RIF1: variants seen among roughly 807,000 people sequenced by gnomAD.
The protein encoded by RIF1 is replication timing regulatory factor 1, also known as telomere-associated protein RIF1.
RIF1 carries 45 observed loss-of-function variants against 247.1 expected under a neutral mutation model. The ratio of observed to expected loss-of-function variants is 0.18; its 90% CI spans 0.14 to 0.23. The LOEUF (loss-of-function observed/expected upper bound fraction) is 0.23, where lower values mean the gene tolerates loss of function less well. Among genes scored for constraint, RIF1 ranks in the 10% least tolerant of loss-of-function variants. The pLI, the probability that RIF1 is intolerant of heterozygous loss-of-function variation, is 1.00. For synonymous variants in RIF1, 1,087 were observed against 978.8 expected (o/e 1.11, Z -2.06); for missense variants, 2,967 against 2,862.5 (o/e 1.04, Z -0.83).
At chr2:151,504,215 C>T (rs1465930759) in intron 12 of RIF1, among the ~76,000 whole-genome samples, 2 of 152,244 alleles carry the variant, frequency 1.3e-5, no homozygotes, top group East Asian at 1.9e-4. Context: ...TGGGGAGCAA[C>T]GTACCCAGAT....
rs566341488 is a variant in RIF1, at chr2:151,489,534, G to A, written c.*416-5695G>A. ...CCACCTCAACTTCCTCAGTAGCTGG[G>A]GCTATAGATGCACCACCACACCTGG... On this transcript the variant is annotated intron_variant and NMD_transcript_variant, in intron 9 of 13. Transcript: ENST00000454583. Among the ~76,000 whole-genome samples the A allele has an allele frequency of 1.2e-4, 19 of 152,122 alleles. No homozygotes were observed. In the East Asian group the frequency reaches 3.5e-3, roughly 28 times the overall value.
intron 22 of RIF1, among the ~76,000 whole-genome samples, chr2:151,455,881 T>G (rs1003754773): frequency 6.6e-6 from 1 of 152,182 alleles, no homozygotes; most frequent in Admixed American, 6.6e-5. Flanking sequence ...TGTTAAACTT[T>G]TTACCCAATT....
chr2:151,514,759 A>T, the RIF1 span: 5 of 1,169,558 alleles, frequency 4.3e-6, no homozygotes, highest in South Asian at 7.0e-5. Flanking sequence ...CACATTAATG[A>T]GTGTCACTAG....
In RIF1 at chr2:151,442,321, G is replaced by A. The variant is rs898205837; in HGVS notation, c.1734+330G>A. Among the ~76,000 whole-genome samples, 9 of 148,896 alleles carry A rather than the reference G, an allele frequency of 6.0e-5. 1 individual carries two copies. Among genetic ancestry groups the A allele is most frequent in the Admixed American group, 4.1e-4 (6 of 14,726 alleles). ...ACTCCTAACCTCGGGTGATCCCTCC[G>A]CCTTGCTCTTCCAAATCCTGGGATT... is the stretch of plus-strand genomic sequence containing the variant. On this transcript the variant is annotated intron_variant, in intron 16 of 35. Coordinates refer to ENST00000444746, the MANE Select transcript of RIF1 (RefSeq NM_018151.5).
intron 6 of RIF1, among the ~76,000 whole-genome samples, chr2:151,419,037 G>A (rs111632456): frequency 7.0e-6 from 1 of 143,224 alleles, no homozygotes; most frequent in African/African-American, 2.6e-5. Context: ...TCAGCCTAGG[G>A]CCTCTGCAGG....
At chr2:151,459,010 C>T in intron 25 of RIF1, 100 bp downstream of exon 25, 1 of 663,908 alleles carries the variant, frequency 1.5e-6, no homozygotes, top group Middle Eastern at 3.4e-4. Context: ...AGTTTTGTAA[C>T]ATAGGCTTTT....
the RIF1 span, chr2:151,516,499 G>A: frequency 6.2e-6 from 10 of 1,613,330 alleles, no homozygotes; most frequent in South Asian, 3.3e-5. Context: ...AGTGATGTAC[G>A]TTGGTGTTTC....
chr2:151,410,564 G>T (rs748700575), intron 2 of RIF1, 37 bp downstream of exon 2: 10 of 1,502,868 alleles, frequency 6.7e-6, no homozygotes, highest in Non-Finnish European at 9.2e-6. Flanking sequence ...AGAGTGGGGC[G>T]CTCTATAGTG....
the RIF1 span, chr2:151,514,864 G>T: frequency 6.3e-7 from 1 of 1,588,224 alleles, no homozygotes; most frequent in Admixed American, 1.8e-5. Flanking sequence ...CAAAGCTGGC[G>T]TGACCTCCAG....
chr2:151,474,934 C>T lies in RIF1; in HGVS notation c.7282C>T (p.Leu2428=). 1 of 1,609,838 alleles carries T rather than the reference C, an allele frequency of 6.2e-7. No individual in the cohort carries two copies. The highest frequency in any genetic ancestry group is 8.5e-7 in the Non-Finnish European group (1 of 1,176,284). Residue 2428 remains leucine (L), a synonymous_variant, in exon 36 of 36, where the codon CTG becomes TTG. Transcript: ENST00000444746. ...LAQISALALQ[L]DSEDLHNYSG... ...ACAGATTAGTGCTCTTGCTCTTCAGCTGGATTCAGAAGATCTTCATAATTA... is the reference window on the plus strand; with the variant it reads ...ACAGATTAGTGCTCTTGCTCTTCAGTTGGATTCAGAAGATCTTCATAATTA...
At chr2:151,416,733 A>G in intron 5 of RIF1, 45 bp downstream of exon 5, 5 of 1,602,662 alleles carry the variant, frequency 3.1e-6, no homozygotes, top group Non-Finnish European at 4.2e-6. Context: ...TATGCCAATT[A>G]AAAGAAAAAA....
At chr2:151,509,049 A>G (rs1324484655), downstream of RIF1, among the ~76,000 whole-genome samples, 2 of 152,314 alleles carry the variant, frequency 1.3e-5, no homozygotes, top group African/African-American at 4.8e-5. Context: ...CTGAGGAATG[A>G]GACTAGCCAC....
downstream of RIF1, among the ~76,000 whole-genome samples, chr2:151,509,977 TAC>T (rs1173797207): frequency 6.6e-6 from 1 of 152,254 alleles, no homozygotes; most frequent in Non-Finnish European, 1.5e-5. Flanking sequence ...AACTCAAAAT[TAC>T]AAAGTTTTTC....
At chr2:151,450,209 AT>A (rs1694053767) in intron 20 of RIF1, among the ~76,000 whole-genome samples, 1 of 151,512 alleles carries the variant, frequency 6.6e-6, no homozygotes, top group South Asian at 2.1e-4. Context: ...TAATTTGAGA[AT>A]TTTTTATGGA....
At chr2:151,416,216 A>G (rs962874265) in intron 4 of RIF1, among the ~76,000 whole-genome samples, 1 of 152,206 alleles carries the variant, frequency 6.6e-6, no homozygotes, top group African/African-American at 2.4e-5. Flanking sequence ...AGTGTTAGCA[A>G]CCTAAAGCAG....
chr2:151,414,627 T>C (rs576026471), intron 3 of RIF1, among the ~76,000 whole-genome samples, 196 bp from the exon 4 acceptor site: 91 of 152,344 alleles, frequency 6.0e-4, no homozygotes, highest in African/African-American at 2.2e-3. Context: ...CAGTTTCCTC[T>C]CCTTTCTTTA....
chr2:151,504,566 C>G (rs1184286903), intron 12 of RIF1, among the ~76,000 whole-genome samples: 1 of 152,168 alleles, frequency 6.6e-6, no homozygotes, highest in Non-Finnish European at 1.5e-5. Flanking sequence ...GAACAACCTG[C>G]AAGAGAAATA....
At chr2:151,484,611 C>G (rs754949187), downstream of RIF1, among the ~76,000 whole-genome samples, 2 of 152,124 alleles carry the variant, frequency 1.3e-5, no homozygotes, top group Non-Finnish European at 2.9e-5. Context: ...AAAAAAATGG[C>G]TCATTGTAAT....
At chr2:151,486,407 G>A, downstream of RIF1, 1 of 158,538 alleles carries the variant, frequency 6.3e-6, no homozygotes, top group Non-Finnish European at 1.4e-5. Context: ...TGGTGGAAGT[G>A]GAAAAGAGTG....
Sources: allele counts gnomAD v4.1 joint callset (sites outside exome capture counted in the v4.1 genomes callset), GRCh38; gene constraint gnomAD v4.1.1; transcripts MANE v1.5; gene names NCBI Gene and HGNC (gene_info 2026-07-23, HGNC 2026-07-21).